The following BTBD2 variants were observed in gnomAD, a reference collection of about 807,000 sequenced individuals.
BTBD2 encodes BTB/POZ domain-containing protein 2.
A neutral mutation model predicts 44.0 loss-of-function variants in BTBD2; 15 were observed. The ratio of observed to expected loss-of-function variants is 0.34; its 90% confidence interval spans 0.23 to 0.53. The LOEUF (loss-of-function observed/expected upper bound fraction) is 0.53. Among genes scored for constraint, BTBD2 ranks in the 20% least tolerant of loss-of-function variants. BTBD2 has a pLI of 0.95. For missense variants in BTBD2, 657 were observed against 746.4 expected (o/e 0.88, Z 1.39); for synonymous variants, 443 against 335.9 (o/e 1.32, Z -3.49).
chr19:2,008,331 G>A (rs1002811451), intron 1 of BTBD2, among the ~76,000 whole-genome samples: 9 of 143,614 alleles, frequency 6.3e-5, no homozygotes, highest in South Asian at 4.4e-4. Flanking sequence ...GTGGAGTCTC[G>A]CTGTGTTGCC....
rs763577542 is a variant in BTBD2, at chr19:1,990,149, C to G, written c.843G>C (p.Arg281=). The part of the protein sequence containing the change: ...ERDTLGIREV[R]LFNAVVRWSE... ...ACCAGCGGACAACGGCATTGAACAGCCGCACCTCACGGATGCCCAGTGTGT... is the reference window on the plus strand; with the variant it reads ...ACCAGCGGACAACGGCATTGAACAGGCGCACCTCACGGATGCCCAGTGTGT... The change falls in exon 5 of 9, where the codon CGG becomes CGC. Residue 281 remains arginine, a synonymous_variant. Transcript: ENST00000255608. The G allele has an allele frequency of 6.2e-7, 1 of 1,611,232 alleles. No individual in the cohort carries two copies. Among genetic ancestry groups the G allele is most frequent in the Non-Finnish European group, 8.5e-7 (1 of 1,179,268 alleles).
intron 1 of BTBD2, among the ~76,000 whole-genome samples, chr19:2,000,666 T>TC (rs1485873789): frequency 1.3e-5 from 2 of 151,664 alleles, no homozygotes; most frequent in Non-Finnish European, 2.9e-5. Flanking sequence ...TCCCGGCTGT[T>TC]CCCCCCTTCA....
chr19:1,987,415 C>T (rs1014847573), intron 6 of BTBD2, 85 bp downstream of exon 6: 13 of 1,256,652 alleles, frequency 1.0e-5, no homozygotes, highest in Non-Finnish European at 1.3e-5. Flanking sequence ...GAGTTCTCCA[C>T]CCCCATGCCC....
intron 5 of BTBD2, 120 bp from the exon 6 acceptor site, chr19:1,987,812 G>A (rs2016114011): frequency 3.8e-6 from 4 of 1,045,526 alleles, no homozygotes; most frequent in Non-Finnish European, 5.4e-6. Context: ...GCAGGGACCT[G>A]GGCAGCCCCT....
chr19:2,015,452 C>A lies in BTBD2; in HGVS notation c.252G>T (p.Gly84=). 7.1e-7 allele frequency: 1 copy of A among 1,399,580 alleles called. No homozygotes were observed. The highest frequency in any genetic ancestry group is 9.3e-7 in the Non-Finnish European group (1 of 1,075,150). 86.7% of individuals were successfully genotyped at this position (1,399,580 alleles called of 1,614,324 possible). ...CGGCCTCGCGCTGCAGCGCCGCCGC[C>A]CCCGGGCCCGCCGCCTCCTCCGCCC... The part of the protein sequence containing the change: ...AERAEEAAGP[G]AAALQREAAY... The change falls in exon 1 of 9, where the codon GGG becomes GGT. Residue 84 remains glycine, a synonymous_variant. Transcript: ENST00000255608.
At chr19:2,007,126 G>A (rs1599359577) in intron 1 of BTBD2, among the ~76,000 whole-genome samples, 1 of 152,260 alleles carries the variant, frequency 6.6e-6, no homozygotes, top group South Asian at 2.1e-4. Flanking sequence ...AAAGTGCTGG[G>A]ATTACAGGCG....
intron 7 of BTBD2, 62 bp downstream of exon 7, chr19:1,987,104 A>G (rs2016097345): frequency 1.9e-6 from 3 of 1,597,796 alleles, no homozygotes; most frequent in East Asian, 4.5e-5. Flanking sequence ...CCAGGGTTCC[A>G]TGGAGGTGGA....
intron 3 of BTBD2, 101 bp downstream of exon 3, chr19:1,992,918 CG>C: frequency 8.6e-6 from 9 of 1,041,490 alleles, no homozygotes; most frequent in African/African-American, 1.7e-5. Flanking sequence ...CTCCCGGGCC[CG>C]CCCCCGGCCC....
At chr19:2,002,390 G>GT (rs2016340616) in intron 1 of BTBD2, among the ~76,000 whole-genome samples, 1 of 152,214 alleles carries the variant, frequency 6.6e-6, no homozygotes, top group Non-Finnish European at 1.5e-5. Flanking sequence ...TCGAAGTTCT[G>GT]TAAGCTGTTA....
intron 6 of BTBD2, 43 bp from the exon 7 acceptor site, chr19:1,987,296 T>C (rs2016101500): frequency 5.0e-6 from 8 of 1,601,760 alleles, no homozygotes; most frequent in Non-Finnish European, 6.8e-6. Context: ...TACCCAGGGA[T>C]AGCCTAAGGT....
chr19:2,007,338 TTGA>T (rs1483847263), intron 1 of BTBD2, among the ~76,000 whole-genome samples: 1 of 152,180 alleles, frequency 6.6e-6, no homozygotes, highest in Non-Finnish European at 1.5e-5. Flanking sequence ...TTACATGTTG[TTGA>T]TTTATGGCTT....
At chr19:1,996,545 C>CAAAAAAAAAA (rs111933486) in intron 2 of BTBD2, among the ~76,000 whole-genome samples, 1 of 99,324 alleles carries the variant, frequency 1.0e-5, no homozygotes, top group African/African-American at 3.7e-5. Context: ...GCAAAACTGT[C>CAAAAAAAAAA]AAAAAAAAAA....
At position 1,986,991 on chromosome 19, in the gene BTBD2, GA is replaced by G; in HGVS notation, c.1270-16del. 1 of 1,608,614 alleles carries G rather than the reference GA, an allele frequency of 6.2e-7. No individual in the cohort carries two copies. Among genetic ancestry groups the G allele is most frequent in the East Asian group, 2.2e-5 (1 of 44,792 alleles). On this transcript the variant is annotated splice_polypyrimidine_tract_variant and intron_variant, in intron 7 of 8. Coordinates refer to ENST00000255608, the MANE Select transcript of BTBD2 (RefSeq NM_017797.4). ...GTGTGAATAATCTGCGGGGAGGTGG[GA>G]AGTGGGAGGCTCAGGCCTGGGGAGG...
chr19:2,006,722 CTT>C (rs2016399566), intron 1 of BTBD2, among the ~76,000 whole-genome samples: 1 of 151,570 alleles, frequency 6.6e-6, no homozygotes, highest in Non-Finnish European at 1.5e-5. Context: ...GAGTTTCACT[CTT>C]GTTGACCAGG....
Position 1,990,196 on chromosome 19 carries a change from G to A in BTBD2, c.796C>T (p.Leu266=), listed in dbSNP as rs1421938905. ...GTGTCGCGCTCCAGGACAGCCACCA[G>A]CGTGTCTGTGGGGTGGAGGAAGGGG... ...EGFTDIDLDT[L]VAVLERDTLG... Residue 266 remains leucine, a synonymous_variant, in exon 5 of 9, where the codon CTG becomes TTG. Coordinates refer to ENST00000255608, the MANE Select transcript of BTBD2 (RefSeq NM_017797.4). The A allele has an allele frequency of 3.1e-6, 5 of 1,595,930 alleles. No individual in the cohort carries two copies. The highest frequency in any genetic ancestry group is 4.3e-6 in the Non-Finnish European group (5 of 1,172,222).
Position 2,015,479 on chromosome 19 carries a change from C to A in BTBD2, c.225G>T (p.Glu75Asp), listed in dbSNP as rs1414448571. ...CCGGGCCCGCCGCCTCCTCCGCCCG[C>A]TCCGCGCCCGCGGCCTGCGCGTCTG... Reference protein sequence around the residue: ...PGTDAQAAGAERAEEAAGPGA... With the variant: ...PGTDAQAAGADRAEEAAGPGA... Residue 75 changes from glutamate to aspartate, a missense_variant, in exon 1 of 9, where the codon GAG becomes GAT. Glu to Asp is a conservative substitution (Grantham distance 45, BLOSUM62 2). Coordinates refer to ENST00000255608, the MANE Select transcript of BTBD2 (RefSeq NM_017797.4). 3 of 1,238,206 alleles carry A rather than the reference C, an allele frequency of 2.4e-6. No homozygotes were observed. In the African/African-American group the frequency reaches 4.8e-5, roughly 20 times the overall value. The allele number at this position is 1,238,206 out of a possible 1,614,324, so 76.7% of individuals were successfully genotyped here.
At chr19:2,004,248 C>A (rs2016366216) in intron 1 of BTBD2, among the ~76,000 whole-genome samples, 1 of 151,568 alleles carries the variant, frequency 6.6e-6, no homozygotes, top group African/African-American at 2.4e-5. Flanking sequence ...CCTCCTGAGG[C>A]TGTGTCACAG....
At chr19:1,988,564 A>T (rs1214498250) in intron 5 of BTBD2, 1 of 148,228 alleles carries the variant, frequency 6.7e-6, no homozygotes, top group Non-Finnish European at 1.5e-5. Flanking sequence ...AAACAATGTT[A>T]ACAATTTTTT....
intron 1 of BTBD2, among the ~76,000 whole-genome samples, chr19:2,008,652 T>A (rs949729463): frequency 7.1e-6 from 1 of 141,450 alleles, no homozygotes; most frequent in Non-Finnish European, 1.5e-5. Context: ...AGTGCAGTGG[T>A]AGGATCATGG....
Sources: gnomAD v4.1 joint callset for allele counts (sites outside exome capture counted in the v4.1 genomes callset) on GRCh38, gnomAD v4.1.1 for gene constraint, MANE v1.5 for transcripts, NCBI Gene and HGNC (gene_info 2026-07-23, HGNC 2026-07-21) for gene names.